LINC01488: variants seen among roughly 807,000 people sequenced by gnomAD.
LINC01488 encodes the protein long independently transcribed non-coding RNA 1488.
rs1319334435 is a variant in LINC01488, at chr11:69,486,953, A to G, written n.123-3542A>G. On this transcript the variant is annotated intron_variant and non_coding_transcript_variant, in intron 1 of 3. Coordinates refer to ENST00000644563, the Ensembl canonical transcript of LINC01488. Reference sequence around the variant, plus strand: ...AGGTCCCCTCCGGGCCCAGAGCTGCACGGCCTCCTCTTTCGCGTTAACCCG... The same window carrying G: ...AGGTCCCCTCCGGGCCCAGAGCTGCGCGGCCTCCTCTTTCGCGTTAACCCG... Among the ~76,000 whole-genome samples, 2 of 152,116 alleles carry G rather than the reference A, an allele frequency of 1.3e-5. 1 individual carries two copies. Among genetic ancestry groups the G allele is most frequent in the East Asian group, 3.9e-4 (2 of 5,168 alleles).
At chr11:69,485,249 A>T (rs183624837) in intron 1 of LINC01488, among the ~76,000 whole-genome samples, 1 of 152,320 alleles carries the variant, frequency 6.6e-6, no homozygotes, top group African/African-American at 2.4e-5. Flanking sequence ...AACATGATGG[A>T]GCCAGGAGTT....
intron 1 of LINC01488, among the ~76,000 whole-genome samples, chr11:69,486,969 C>T (rs922916250): frequency 9.2e-5 from 14 of 152,204 alleles, no homozygotes; most frequent in African/African-American, 1.2e-4. Flanking sequence ...TCCTCTTTCG[C>T]GTTAACCCGA....
intron 1 of LINC01488, among the ~76,000 whole-genome samples, chr11:69,482,517 C>CGAGT (rs1298729123): frequency 3.9e-4 from 54 of 138,704 alleles, no homozygotes; most frequent in East Asian, 3.8e-3. Flanking sequence ...AGTGGATGGA[C>CGAGT]GGATGGATGA....
intron 1 of LINC01488, among the ~76,000 whole-genome samples, chr11:69,482,383 C>T (rs948870027): frequency 2.7e-5 from 4 of 146,784 alleles, no homozygotes; most frequent in African/African-American, 1.0e-4. Flanking sequence ...GGGACACAAC[C>T]AAACAATATC....
chr11:69,488,562 G>C (rs1379899724), intron 1 of LINC01488, among the ~76,000 whole-genome samples: 1 of 152,252 alleles, frequency 6.6e-6, no homozygotes, highest in Non-Finnish European at 1.5e-5. Context: ...CCCTGGAGAA[G>C]GCCCTGCTGG....
chr11:69,487,148 G>A (rs1252217685), intron 1 of LINC01488, among the ~76,000 whole-genome samples: 1 of 152,226 alleles, frequency 6.6e-6, no homozygotes, highest in Non-Finnish European at 1.5e-5. Context: ...TGAAAACAGG[G>A]CAGGAATGCT....
intron 1 of LINC01488, among the ~76,000 whole-genome samples, chr11:69,487,400 C>T (rs911052204): frequency 4.6e-5 from 7 of 152,314 alleles, no homozygotes; most frequent in Middle Eastern, 3.4e-3. Flanking sequence ...TCTGCCATGA[C>T]GCTCACCCTC....
exon 4 of LINC01488, chr11:69,492,688 C>G (rs1857242630): frequency 6.6e-6 from 1 of 152,250 alleles, no homozygotes; most frequent in Admixed American, 6.5e-5. Flanking sequence ...ACCTCCAGAA[C>G]CGTGAGATAA....
chr11:69,486,920 C>T (rs1857131145), intron 1 of LINC01488, among the ~76,000 whole-genome samples: 1 of 152,216 alleles, frequency 6.6e-6, no homozygotes, highest in Non-Finnish European at 1.5e-5. Flanking sequence ...TGAACCACCA[C>T]ATTCCTGAGG....
intron 1 of LINC01488, among the ~76,000 whole-genome samples, chr11:69,483,936 T>G (rs892184286): frequency 5.3e-5 from 8 of 152,038 alleles, no homozygotes; most frequent in African/African-American, 1.9e-4. Context: ...AGCCTTTGTC[T>G]AAGGCAGCCG....
intron 1 of LINC01488, among the ~76,000 whole-genome samples, chr11:69,483,154 A>T (rs1282136086): frequency 6.6e-6 from 1 of 152,140 alleles, no homozygotes. Flanking sequence ...CAGCAATGCT[A>T]CCCAGAGCAG....
At chr11:69,491,313 CA>C (rs1296130182) in exon 3 of LINC01488, 1 of 152,290 alleles carries the variant, frequency 6.6e-6, no homozygotes, top group Middle Eastern at 3.2e-3. Flanking sequence ...CTTGGAACAG[CA>C]GGTGCTCGGT....
At position 69,482,005 on chromosome 11, in the gene LINC01488, A is replaced by AGATG. The variant is rs61662827; in HGVS notation, n.122+243_122+246dup. ...TGGATGGATGAGTGGATGGACGGAC[A>AGATG]GATGGATGGATGGATGGATGGATGA... On this transcript the variant is annotated intron_variant and non_coding_transcript_variant, in intron 1 of 3. Transcript: ENST00000644563. Among the ~76,000 whole-genome samples, 240 of 150,762 alleles carry AGATG rather than the reference A, an allele frequency of 1.6e-3. 3 individuals carry two copies. In the East Asian group the frequency reaches 0.034, roughly 21 times the overall value.
chr11:69,481,874 G>A (rs746070158), intron 1 of LINC01488: 2 of 152,152 alleles, frequency 1.3e-5, no homozygotes, highest in Non-Finnish European at 2.9e-5. Flanking sequence ...TGAGTAGATG[G>A]ACGGGTGGAT....
intron 1 of LINC01488, among the ~76,000 whole-genome samples, chr11:69,483,949 C>T (rs182055410): frequency 6.5e-4 from 99 of 152,316 alleles, no homozygotes; most frequent in African/African-American, 2.3e-3. Context: ...GGCAGCCGAG[C>T]CAAGGGCCCC....
chr11:69,488,671 G>T (rs1033917901), intron 1 of LINC01488, among the ~76,000 whole-genome samples: 1 of 152,250 alleles, frequency 6.6e-6, no homozygotes, highest in African/African-American at 2.4e-5. Context: ...TCAGAGCCCC[G>T]TCGCAGGGAC....
chr11:69,485,720 C>T (rs1020220508), intron 1 of LINC01488: 3 of 152,248 alleles, frequency 2.0e-5, no homozygotes, highest in Non-Finnish European at 4.4e-5. Context: ...TATTTGAGGT[C>T]AGGAGGCAAG....
intron 1 of LINC01488, among the ~76,000 whole-genome samples, chr11:69,483,102 G>A (rs369509712): frequency 1.8e-4 from 28 of 152,318 alleles, no homozygotes; most frequent in Admixed American, 5.9e-4. Flanking sequence ...TCTGAGGTCC[G>A]TGGAAGGAGA....
chr11:69,481,777 C>T (rs1857050317), exon 1 of LINC01488: 1 of 152,276 alleles, frequency 6.6e-6, no homozygotes, highest in African/African-American at 2.4e-5. Flanking sequence ...CAGGCTCCAT[C>T]CAGCAAGTAA....
Sources: gnomAD v4.1 joint callset for allele counts (sites outside exome capture counted in the v4.1 genomes callset) on GRCh38, gnomAD v4.1.1 for gene constraint, MANE v1.5 for transcripts, NCBI Gene and HGNC (gene_info 2026-07-23, HGNC 2026-07-21) for gene names.